Variants in PJA2 observed in about 807,000 individuals in gnomAD.
PJA2 encodes the protein praja ring finger ubiquitin ligase 2.
PJA2 carries 25 observed loss-of-function variants against 69.3 expected under a neutral mutation model. That is an observed-to-expected ratio of 0.36 (90% confidence interval 0.26 to 0.50). The LOEUF is 0.50. Among genes scored for constraint, PJA2 ranks in the 20% least tolerant of loss-of-function variants. PJA2 has a pLI of 0.96. For synonymous variants in PJA2, 308 were observed against 277.8 expected (o/e 1.11, Z -1.08); for missense variants, 809 against 830.2 (o/e 0.97, Z 0.31).
intron 4 of PJA2, among the ~76,000 whole-genome samples, chr5:109,376,209 C>T (rs1363548231): frequency 7.0e-6 from 1 of 143,816 alleles, no homozygotes; most frequent in Non-Finnish European, 1.5e-5. Flanking sequence ...TTTAAAAGGA[C>T]AGTTTCTATT....
chr5:109,340,902 G>A (rs1476313885), intron 9 of PJA2, among the ~76,000 whole-genome samples: 4 of 107,736 alleles, frequency 3.7e-5, no homozygotes, highest in South Asian at 3.4e-4. Flanking sequence ...TCGACCTCCC[G>A]AGGTGCCGGG....
chr5:109,342,823 G>A (rs1387201096), intron 9 of PJA2, among the ~76,000 whole-genome samples: 22 of 89,384 alleles, frequency 2.5e-4, no homozygotes, highest in Non-Finnish European at 5.1e-4. Flanking sequence ...CCGTCCGGGA[G>A]GGAGGTTGGG....
chr5:109,388,745 C>T (rs1747218058), intron 1 of PJA2, among the ~76,000 whole-genome samples: 2 of 152,150 alleles, frequency 1.3e-5, no homozygotes, highest in South Asian at 4.2e-4. Flanking sequence ...CTTCCAAGTC[C>T]ATTAGAATAT....
At chr5:109,381,760 C>T (rs1043281191) in intron 2 of PJA2, 57 bp from the exon 3 acceptor site, 1 of 1,469,424 alleles carries the variant, frequency 6.8e-7, no homozygotes, top group South Asian at 1.2e-5. Flanking sequence ...ATTCTTGCAA[C>T]CTGTTGGGGA....
In PJA2 at chr5:109,378,333, GTAA is replaced by G; in HGVS notation, c.1151_1153del (p.Ile384del). On this transcript the variant is annotated inframe_deletion, in exon 4 of 10. Coordinates refer to ENST00000361189, the MANE Select transcript of PJA2 (RefSeq NM_014819.5). Reference sequence around the variant, plus strand: ...TTGGTTATTTTCTGTTTCCCTTTGTGTAATAACTCTTGAGTATGGTGGATCCAA... The same window carrying G: ...TTGGTTATTTTCTGTTTCCCTTTGTGTAACTCTTGAGTATGGTGGATCCAA... 2 of 1,614,070 alleles carry G rather than the reference GTAA, an allele frequency of 1.2e-6. No homozygotes were observed. Among genetic ancestry groups the G allele is most frequent in the Non-Finnish European group, 1.7e-6 (2 of 1,179,998 alleles).
chr5:109,352,824 T>C (rs921139368), intron 7 of PJA2, among the ~76,000 whole-genome samples: 17 of 150,756 alleles, frequency 1.1e-4, no homozygotes, highest in Non-Finnish European at 2.5e-4. Context: ...ATCTATAATA[T>C]CTATAGACAT....
At chr5:109,363,497 C>T (rs1212637632) in intron 5 of PJA2, among the ~76,000 whole-genome samples, 1 of 152,208 alleles carries the variant, frequency 6.6e-6, no homozygotes, top group East Asian at 1.9e-4. Context: ...GTTCTTCCTA[C>T]TTTTGAAACA....
chr5:109,361,304 A>AAT lies in PJA2; in HGVS notation c.1652+1535_1652+1536insAT, dbSNP rs1183129660. Among the ~76,000 whole-genome samples the AAT allele has an allele frequency of 1.4e-4, 22 of 152,322 alleles. 1 individual carries two copies. The highest frequency in any genetic ancestry group is 9.1e-4 in the Admixed American group (14 of 15,304). ...AAAGGAAAAACCAGAAGTATAGAAC[A>AAT]AGTTTTATGGAGGATGGGGAAGAAA... On this transcript the variant is annotated intron_variant, in intron 6 of 9. Coordinates refer to ENST00000361189, the MANE Select transcript of PJA2 (RefSeq NM_014819.5).
Position 109,406,198 on chromosome 5 carries a change from G to A in PJA2, c.-88+3644C>T, listed in dbSNP as rs369539886. ...TGGCACTACAGGTATCCGCCACCAC[G>A]CCCGGCTAATTTTTTGTATTTTTAG... On this transcript the variant is annotated intron_variant, in intron 1 of 9. Coordinates refer to ENST00000361189, the MANE Select transcript of PJA2 (RefSeq NM_014819.5). Among the ~76,000 whole-genome samples the A allele has an allele frequency of 1.2e-4, 18 of 152,098 alleles. 1 individual carries two copies. The South Asian group carries it at 2.1e-3, about 18-fold the overall frequency.
In PJA2 at chr5:109,381,618, T is replaced by C; in HGVS notation, c.117A>G (p.Arg39=). 1 of 1,614,152 alleles carries C rather than the reference T, an allele frequency of 6.2e-7. No homozygotes were observed. The highest frequency in any genetic ancestry group is 1.1e-5 in the South Asian group (1 of 91,088). ...QTITGRRYGR[R]HAYVSFKPCM... ...ATGGTTTAAAACTGACATAAGCATG[T>C]CTTCTTCCATATCTCCTGCCTGTAA... is the stretch of plus-strand genomic sequence containing the variant. Residue 39 remains arginine, a synonymous_variant, in exon 3 of 10, where the codon AGA becomes AGG. Transcript: ENST00000361189.
intron 5 of PJA2, among the ~76,000 whole-genome samples, chr5:109,367,139 A>T (rs1762596692): frequency 6.9e-6 from 1 of 144,984 alleles, no homozygotes; most frequent in African/African-American, 2.5e-5. Flanking sequence ...GTCTCAAAAA[A>T]AAAAATATAT....
Position 109,378,351 on chromosome 5 carries a change from G to T in PJA2, c.1136C>A (p.Pro379Gln). 1 of 1,614,070 alleles carries T rather than the reference G, an allele frequency of 6.2e-7. No homozygotes were observed. Among genetic ancestry groups the T allele is most frequent in the Non-Finnish European group, 8.5e-7 (1 of 1,179,992 alleles). Reference sequence around the variant, plus strand: ...CCTTTGTGTAATAACTCTTGAGTATGGTGGATCCAAGAACATACAGTCATG... The same window carrying T: ...CCTTTGTGTAATAACTCTTGAGTATTGTGGATCCAAGAACATACAGTCATG... ...GEHDCMFLDPPYSRVITQRET... is the reference protein window; with the variant it reads ...GEHDCMFLDPQYSRVITQRET... Residue 379 changes from proline (P) to glutamine (Q), a missense_variant, in exon 4 of 10, where the codon CCA (proline) becomes CAA (glutamine). Pro to Gln is a moderately conservative substitution (Grantham distance 76). Around this residue, in one of 4 missense-constraint regions of PJA2, gnomAD observed 700 missense variants for 639.5 expected, o/e 1.09. Coordinates refer to ENST00000361189, the MANE Select transcript of PJA2 (RefSeq NM_014819.5).
chr5:109,340,583 T>G (rs1389113995), intron 9 of PJA2, among the ~76,000 whole-genome samples: 3 of 142,304 alleles, frequency 2.1e-5, no homozygotes, highest in Admixed American at 7.3e-5. Context: ...CTTCCTTTAT[T>G]TAAATAATTC....
rs111328299 is a variant in PJA2, at chr5:109,383,376, C to G, written c.31+27G>C. 1.4e-3 allele frequency: 2,282 copies of G among 1,609,346 alleles called. 24 individuals are homozygous for G. The African/African-American group carries it at 0.024, about 17-fold the overall frequency. ...CCCAGAGGAAAAAACAAGAAGTACT[C>G]AATGTAGAAGAACTGACTTTCCTTA... On this transcript the variant is annotated intron_variant, in intron 2 of 9. Coordinates refer to ENST00000361189, the MANE Select transcript of PJA2 (RefSeq NM_014819.5).
At chr5:109,368,985 T>C (rs1762629023) in intron 4 of PJA2, among the ~76,000 whole-genome samples, 1 of 152,070 alleles carries the variant, frequency 6.6e-6, no homozygotes, top group African/African-American at 2.4e-5. Context: ...TTTCACCAGA[T>C]CTGGTTGTTT....
intron 9 of PJA2, among the ~76,000 whole-genome samples, chr5:109,339,779 T>C (rs390270): frequency 0.57 from 86,096 of 152,166 alleles, 27,650 homozygotes; most frequent in East Asian, 0.95. Context: ...CCAAACACTA[T>C]ATTAAATTCA....
chr5:109,362,001 G>C (rs144382350), intron 6 of PJA2, among the ~76,000 whole-genome samples: 46 of 152,310 alleles, frequency 3.0e-4, no homozygotes, highest in African/African-American at 1.1e-3. Flanking sequence ...GAGATATCAG[G>C]AGATATAAAT....
chr5:109,337,527 C>G (rs189266596), intron 9 of PJA2, among the ~76,000 whole-genome samples, 171 bp from the exon 10 acceptor site: 97 of 152,280 alleles, frequency 6.4e-4, no homozygotes, highest in African/African-American at 1.9e-3. Context: ...CTTTTCCTCC[C>G]TGCCCAATCA....
rs201874168 is a variant in PJA2, at chr5:109,368,718, C to A, written c.1312G>T (p.Ala438Ser). 51 of 1,613,636 alleles carry A rather than the reference C, an allele frequency of 3.2e-5. No individual in the cohort carries two copies. In the South Asian group the frequency reaches 5.5e-4, roughly 17 times the overall value. ...CCAGAAAATCGATGAGGCAAAGAAG[C>A]AGACCATTCCCCATCACTGCATTCA... ...SSECSDGEWSASLPHRFSGTE... is the reference protein window; with the variant it reads ...SSECSDGEWSSSLPHRFSGTE... Residue 438 changes from alanine to serine, a missense_variant, in exon 5 of 10, where the codon GCT (alanine) becomes TCT (serine). Coordinates refer to ENST00000361189, the MANE Select transcript of PJA2 (RefSeq NM_014819.5).
Sources: allele counts gnomAD v4.1 joint callset (sites outside exome capture counted in the v4.1 genomes callset), GRCh38; gene constraint gnomAD v4.1.1; regional missense constraint gnomAD v4.1.1; transcripts MANE v1.5; gene names NCBI Gene and HGNC (gene_info 2026-07-23, HGNC 2026-07-21).